Variants in CSMD1 observed in about 807,000 individuals in gnomAD.
The protein encoded by CSMD1 is CUB and sushi domain-containing protein 1.
CSMD1 carries 213 observed loss-of-function variants against 417.5 expected under a neutral mutation model. The ratio of observed to expected loss-of-function variants is 0.51; its 90% CI spans 0.46 to 0.57. CSMD1 has a LOEUF of 0.57. Among genes scored for constraint, CSMD1 ranks in the 20% least tolerant of loss-of-function variants. The pLI, the probability that CSMD1 is intolerant of heterozygous loss-of-function variation, is 0.00. For synonymous variants in CSMD1, 2,862 were observed against 1,736.8 expected (o/e 1.65, Z -16.11); for missense variants, 6,923 against 4,529.7 (o/e 1.53, Z -15.17).
At chr8:3,771,765 C>T (rs1433762953) in intron 5 of CSMD1, among the ~76,000 whole-genome samples, 2 of 152,154 alleles carry the variant, frequency 1.3e-5, no homozygotes, top group Non-Finnish European at 2.9e-5. Flanking sequence ...ATGACAGCAT[C>T]ATGCTCTCTC....
At chr8:3,860,123 T>A (rs571348871) in intron 5 of CSMD1, among the ~76,000 whole-genome samples, 1 of 152,146 alleles carries the variant, frequency 6.6e-6, no homozygotes, top group Non-Finnish European at 1.5e-5. Context: ...TTGATCCCCT[T>A]TGAAGCTTAG....
At chr8:3,274,039 T>C (rs200865435) in intron 26 of CSMD1, among the ~76,000 whole-genome samples, 11,189 of 151,786 alleles carry the variant, frequency 0.074, 495 homozygotes, top group Middle Eastern at 0.11. Context: ...ATTTTGGATC[T>C]TTCCTGCTTT....
intron 7 of CSMD1, among the ~76,000 whole-genome samples, chr8:3,620,577 C>G (rs1214904857): frequency 1.3e-5 from 2 of 152,062 alleles, no homozygotes; most frequent in East Asian, 3.9e-4. Context: ...ATGAAGTAAA[C>G]TGGTGTCAAT....
chr8:4,020,106 T>G (rs1796715646), intron 4 of CSMD1, among the ~76,000 whole-genome samples: 1 of 152,144 alleles, frequency 6.6e-6, no homozygotes, highest in Admixed American at 6.5e-5. Flanking sequence ...TTAGAGTTTC[T>G]CTATGTGTCA....
intron 26 of CSMD1, among the ~76,000 whole-genome samples, chr8:3,281,664 G>C (rs1457006423): frequency 1.3e-5 from 2 of 152,174 alleles, no homozygotes; most frequent in Admixed American, 1.3e-4. Flanking sequence ...GTGATTGCTA[G>C]GAATTAGGAG....
At chr8:3,541,326 T>C (rs939084799) in intron 10 of CSMD1, among the ~76,000 whole-genome samples, 6 of 152,018 alleles carry the variant, frequency 3.9e-5, no homozygotes, top group Non-Finnish European at 5.9e-5. Context: ...AGCTGAACAA[T>C]GAGAACACAT....
At position 3,229,976 on chromosome 8, in the gene CSMD1, C is replaced by T. The variant is rs770972348; in HGVS notation, c.4345+64G>A. The T allele has an allele frequency of 9.5e-5, 104 of 1,096,534 alleles. 2 individuals are homozygous for T. Among genetic ancestry groups the T allele is most frequent in the South Asian group, 4.9e-4 (24 of 48,896 alleles). The allele number at this position is 1,096,534 out of a possible 1,614,324, so 67.9% of individuals were successfully genotyped here. A position where few individuals can be genotyped will look rare whatever the true frequency, so the allele number is the denominator to read the frequency against. Reference sequence around the variant, plus strand: ...CTGAAGAAATAATACATTTACGGAGCGCTTTTAACGACAACATGCATCCAT... The same window carrying T: ...CTGAAGAAATAATACATTTACGGAGTGCTTTTAACGACAACATGCATCCAT... On this transcript the variant is annotated intron_variant, in intron 27 of 69. Transcript: ENST00000635120.
At chr8:4,407,557 A>G (rs1796390286) in intron 3 of CSMD1, among the ~76,000 whole-genome samples, 1 of 152,238 alleles carries the variant, frequency 6.6e-6, no homozygotes. Context: ...CTAATTTCAT[A>G]TAGTAATGTA....
At chr8:4,567,342 A>C (rs1798661151) in intron 2 of CSMD1, among the ~76,000 whole-genome samples, 1 of 152,220 alleles carries the variant, frequency 6.6e-6, no homozygotes, top group African/African-American at 2.4e-5. Flanking sequence ...AACAAGAACA[A>C]GTGAAACATG....
At chr8:4,548,862 G>A (rs1005240434) in intron 2 of CSMD1, among the ~76,000 whole-genome samples, 1 of 152,096 alleles carries the variant, frequency 6.6e-6, no homozygotes. Flanking sequence ...ATGCGCGCAG[G>A]AGGTAAAGTA....
chr8:3,357,651 A>G (rs1043831611), intron 21 of CSMD1, among the ~76,000 whole-genome samples: 2 of 152,170 alleles, frequency 1.3e-5, no homozygotes, highest in Non-Finnish European at 2.9e-5. Flanking sequence ...ACATATCTAG[A>G]TGTCACCTTG....
intron 2 of CSMD1, among the ~76,000 whole-genome samples, chr8:4,608,594 G>C (rs1034362452): frequency 1.3e-5 from 2 of 152,180 alleles, no homozygotes; most frequent in African/African-American, 4.8e-5. Context: ...CGATGGCAAA[G>C]TTATACTACA....
chr8:3,729,666 C>G (rs2623741), intron 6 of CSMD1, among the ~76,000 whole-genome samples: 51,558 of 151,498 alleles, frequency 0.34, 9,851 homozygotes, highest in African/African-American at 0.53. Flanking sequence ...GGGCTACCAG[C>G]GAAGTGTTTA....
At chr8:3,159,649 T>C (rs1359588874) in intron 38 of CSMD1, among the ~76,000 whole-genome samples, 1 of 152,216 alleles carries the variant, frequency 6.6e-6, no homozygotes, top group African/African-American at 2.4e-5. Flanking sequence ...TTTGCTCATG[T>C]GAATGACAAA....
At chr8:3,595,112 G>C (rs1464362090) in intron 8 of CSMD1, among the ~76,000 whole-genome samples, 2 of 152,176 alleles carry the variant, frequency 1.3e-5, no homozygotes, top group Non-Finnish European at 1.5e-5. Flanking sequence ...TCCTATAAGG[G>C]AGTTTTTACA....
intron 6 of CSMD1, among the ~76,000 whole-genome samples, chr8:3,709,378 G>C (rs547006145): frequency 1.1e-4 from 16 of 152,264 alleles, no homozygotes; most frequent in African/African-American, 3.4e-4. Flanking sequence ...ACCTAGGTAA[G>C]TTACTTGCCT....
chr8:3,137,070 C>A (rs767446144), intron 41 of CSMD1, among the ~76,000 whole-genome samples: 3 of 152,034 alleles, frequency 2.0e-5, no homozygotes, highest in Non-Finnish European at 4.4e-5. Context: ...TCTGTATGTT[C>A]ATCATCTCCA....
At chr8:4,276,166 G>A (rs1436888365) in intron 3 of CSMD1, among the ~76,000 whole-genome samples, 1 of 152,122 alleles carries the variant, frequency 6.6e-6, no homozygotes, top group East Asian at 1.9e-4. Context: ...AAAGACACAT[G>A]CACACATATG....
At chr8:3,930,301 T>C (rs1810051897) in intron 5 of CSMD1, among the ~76,000 whole-genome samples, 1 of 150,440 alleles carries the variant, frequency 6.6e-6, no homozygotes. Flanking sequence ...GCAAACTTTA[T>C]TCAAAGACCT....
Sources: gnomAD v4.1 joint callset for allele counts (sites outside exome capture counted in the v4.1 genomes callset) on GRCh38, gnomAD v4.1.1 for gene constraint, MANE v1.5 for transcripts, NCBI Gene and HGNC (gene_info 2026-07-23, HGNC 2026-07-21) for gene names.